NAV2: variants seen among roughly 807,000 people sequenced by gnomAD.
The protein encoded by NAV2 is neuron navigator 2.
In NAV2, 54 loss-of-function variants were observed where a neutral mutation model predicts 223.2. The ratio of observed to expected loss-of-function variants is 0.24; its 90% CI spans 0.19 to 0.30. The LOEUF (loss-of-function observed/expected upper bound fraction) is 0.30, where lower values mean the gene tolerates loss of function less well. Among genes scored for constraint, NAV2 ranks in the 10% least tolerant of loss-of-function variants. The pLI, the probability that NAV2 is intolerant of heterozygous loss-of-function variation, is 1.00. For missense variants in NAV2, 2,806 were observed against 3,147.5 expected (o/e 0.89, Z 2.60); for synonymous variants, 1,279 against 1,239.3 (o/e 1.03, Z -0.67).
At chr11:19,984,631 C>T (rs2050605438) in intron 11 of NAV2, among the ~76,000 whole-genome samples, 1 of 152,298 alleles carries the variant, frequency 6.6e-6, no homozygotes, top group South Asian at 2.1e-4. Flanking sequence ...GGTCTGTGTG[C>T]AGAAGGGATC....
chr11:19,406,092 G>A (rs1849883258), intron 1 of NAV2, among the ~76,000 whole-genome samples: 1 of 152,168 alleles, frequency 6.6e-6, no homozygotes, highest in East Asian at 1.9e-4. Flanking sequence ...GGTAGGGAGA[G>A]GTGAAACGTA....
rs374062953 is a variant in NAV2, at chr11:19,984,240, G to A, written c.2761G>A (p.Ala921Thr). The A allele has an allele frequency of 2.1e-5, 34 of 1,613,998 alleles. No homozygotes were observed. Among genetic ancestry groups the A allele is most frequent in the Admixed American group, 2.0e-4 (12 of 60,004 alleles). The change falls in exon 11 of 38, where the codon GCT becomes ACT. Residue 921 changes from alanine to threonine, a missense_variant. Around this residue, in one of 4 missense-constraint regions of NAV2, gnomAD observed 73 missense variants for 119.7 expected, o/e 0.61. Transcript: ENST00000349880. ...QRNTSLGLGD[A>T]DSWDDSSSVS... ...AAATACCTCCCTGGGCCTCGGAGAC[G>A]CTGACAGGTAAGCTTGCTGCACTTG...
Position 19,577,857 on chromosome 11 carries a change from G to A in NAV2, c.75+226830G>A, listed in dbSNP as rs1017293313. ...ATGCTCATTCATTCCATTTCAATTT[G>A]TTAAAACCATTCTTTGAGAAGGCAG... On this transcript the variant is annotated intron_variant, in intron 1 of 37. Coordinates refer to the NAV2 transcript ENST00000360655. 1.3e-4 allele frequency among the ~76,000 whole-genome samples: 20 copies of A among 152,270 alleles called. No individual in the cohort carries two copies. The East Asian group carries it at 1.7e-3, about 13-fold the overall frequency.
intron 1 of NAV2, among the ~76,000 whole-genome samples, chr11:19,390,255 G>T (rs1849196018): frequency 6.6e-6 from 1 of 152,024 alleles, no homozygotes; most frequent in Non-Finnish European, 1.5e-5. Flanking sequence ...TACCCTCTCT[G>T]TGGCCTTTCA....
At chr11:19,432,686 G>A (rs1851078322) in intron 1 of NAV2, among the ~76,000 whole-genome samples, 1 of 152,104 alleles carries the variant, frequency 6.6e-6, no homozygotes, top group African/African-American at 2.4e-5. Flanking sequence ...GGCCCCCAAG[G>A]TACAGCTAGG....
chr11:19,873,371 G>A (rs918523360), intron 4 of NAV2, among the ~76,000 whole-genome samples: 1 of 152,148 alleles, frequency 6.6e-6, no homozygotes, highest in Non-Finnish European at 1.5e-5. Context: ...TTTCCCCCCA[G>A]ATTTCATGGG....
intron 1 of NAV2, among the ~76,000 whole-genome samples, chr11:19,616,606 C>G (rs985820985): frequency 2.6e-5 from 4 of 152,074 alleles, no homozygotes; most frequent in Non-Finnish European, 2.9e-5. Flanking sequence ...AGCTGGCCCC[C>G]AGGGTTGCTC....
chr11:19,846,226 C>T (rs151028411), intron 3 of NAV2, among the ~76,000 whole-genome samples: 1 of 152,278 alleles, frequency 6.6e-6, no homozygotes, highest in East Asian at 1.9e-4. Flanking sequence ...ATGGATCCCA[C>T]AGAGGAAGGT....
chr11:19,932,852 G>A (rs572713559), intron 6 of NAV2, among the ~76,000 whole-genome samples: 3 of 152,210 alleles, frequency 2.0e-5, no homozygotes, highest in South Asian at 2.1e-4. Flanking sequence ...AATTGAAAAC[G>A]GTAGGTATTT....
intron 1 of NAV2, among the ~76,000 whole-genome samples, chr11:19,372,740 G>A (rs548066566): frequency 2.3e-4 from 35 of 152,312 alleles, no homozygotes; most frequent in Non-Finnish European, 4.6e-4. Flanking sequence ...TTAGTAATAA[G>A]TAAAGCTGAG....
intron 10 of NAV2, among the ~76,000 whole-genome samples, chr11:19,982,629 C>T (rs895301474): frequency 6.6e-6 from 1 of 152,110 alleles, no homozygotes; most frequent in Non-Finnish European, 1.5e-5. Flanking sequence ...TCATTAATGT[C>T]ATAAAGGGAG....
chr11:19,974,895 A>G (rs2049576360), intron 10 of NAV2, among the ~76,000 whole-genome samples: 3 of 152,244 alleles, frequency 2.0e-5, no homozygotes, highest in Admixed American at 1.3e-4. Context: ...AAAATATGCA[A>G]GATTTGGGCC....
chr11:19,585,880 G>T lies in NAV2; in HGVS notation c.75+234853G>T, dbSNP rs958095170. On this transcript the variant is annotated intron_variant, in intron 1 of 37. Coordinates refer to the NAV2 transcript ENST00000360655. Reference sequence around the variant, plus strand: ...GTCTTGGGGTTGTTCTTCTCGAGGAGTATGTTTGTGGCATTCTCTGTATTT... The same window carrying T: ...GTCTTGGGGTTGTTCTTCTCGAGGATTATGTTTGTGGCATTCTCTGTATTT... 8.5e-5 allele frequency among the ~76,000 whole-genome samples: 13 copies of T among 152,306 alleles called. No individual in the cohort carries two copies. In the East Asian group the frequency reaches 2.5e-3, roughly 29 times the overall value.
intron 1 of NAV2, among the ~76,000 whole-genome samples, chr11:19,547,282 T>A: frequency 6.6e-6 from 1 of 152,196 alleles, no homozygotes; most frequent in East Asian, 1.9e-4. Flanking sequence ...ACCCAGCAGA[T>A]GACAGCTTTA....
At chr11:20,094,346 C>T (rs2061085785) in intron 29 of NAV2, among the ~76,000 whole-genome samples, 3 of 149,508 alleles carry the variant, frequency 2.0e-5, no homozygotes, top group Admixed American at 6.8e-5. Flanking sequence ...TCTTCTGCCT[C>T]AGCCTTCCAA....
At chr11:19,823,188 G>C (rs1187147597) in intron 1 of NAV2, among the ~76,000 whole-genome samples, 1 of 152,044 alleles carries the variant, frequency 6.6e-6, no homozygotes, top group African/African-American at 2.4e-5. Flanking sequence ...GGAACCACAG[G>C]CACATGCTAC....
intron 1 of NAV2, among the ~76,000 whole-genome samples, chr11:19,733,281 T>A (rs777955536): frequency 2.0e-5 from 3 of 152,266 alleles, no homozygotes; most frequent in Non-Finnish European, 4.4e-5. Context: ...TCTATCACTC[T>A]GTGTTTATGT....
chr11:19,598,011 G>A (rs1165200701), intron 1 of NAV2, among the ~76,000 whole-genome samples: 1 of 152,262 alleles, frequency 6.6e-6, no homozygotes, highest in Non-Finnish European at 1.5e-5. Context: ...CTGGCCTCCA[G>A]TTATGACCCA....
intron 1 of NAV2, among the ~76,000 whole-genome samples, chr11:19,561,502 TTAGTACAATA>T (rs143123459): frequency 0.015 from 2,248 of 152,306 alleles, 68 homozygotes; most frequent in African/African-American, 0.051. Context: ...CATCAGCTAT[TTAGTACAATA>T]TATTCAGTAA....
Sources: gnomAD v4.1 joint callset for allele counts (sites outside exome capture counted in the v4.1 genomes callset) on GRCh38, gnomAD v4.1.1 for gene constraint, gnomAD v4.1.1 regional missense constraint, MANE v1.5 for transcripts, NCBI Gene and HGNC (gene_info 2026-07-23, HGNC 2026-07-21) for gene names.